TENM4: variants seen among roughly 807,000 people sequenced by gnomAD.
TENM4 encodes the protein teneurin-4.
In TENM4, 82 loss-of-function variants were observed where a neutral mutation model predicts 243.3. The observed-to-expected ratio is 0.34, with a 90% CI of 0.28 to 0.40. The LOEUF is 0.40. TENM4 is among the 10% of genes least tolerant of loss of function. TENM4 has a pLI of 1.00. For missense variants in TENM4, 3,138 were observed against 3,673.3 expected (o/e 0.85, Z 3.77); for synonymous variants, 1,412 against 1,456.3 (o/e 0.97, Z 0.69).
intron 1 of TENM4, among the ~76,000 whole-genome samples, chr11:79,403,744 G>A (rs1858509722): frequency 6.6e-6 from 1 of 152,134 alleles, no homozygotes; most frequent in Admixed American, 6.5e-5. Flanking sequence ...ATCTGAGTCA[G>A]TACCAGAAAT....
At chr11:78,947,047 G>A (rs1262636396) in intron 6 of TENM4, among the ~76,000 whole-genome samples, 1 of 152,170 alleles carries the variant, frequency 6.6e-6, no homozygotes. Flanking sequence ...TGAGAGGACC[G>A]ACTCCAGTTT....
At chr11:78,878,927 A>C (rs1234095444) in intron 9 of TENM4, among the ~76,000 whole-genome samples, 1 of 152,274 alleles carries the variant, frequency 6.6e-6, no homozygotes, top group Non-Finnish European at 1.5e-5. Flanking sequence ...TAGCACAAAT[A>C]TAATGGCTTT....
At position 78,999,498 on chromosome 11, in the gene TENM4, A is replaced by G. The variant is rs1354794532; in HGVS notation, c.493+65240T>C. Among the ~76,000 whole-genome samples, 62 of 152,322 alleles carry G rather than the reference A, an allele frequency of 4.1e-4. 2 individuals are homozygous for G. Among genetic ancestry groups the G allele is most frequent in the Non-Finnish European group, 7.3e-5 (5 of 68,036 alleles). ...ACCACCGCACTTCAGCCTGGGAGAC[A>G]GAGCGGGACTCCATCTCAAAAAACA... On this transcript the variant is annotated intron_variant, in intron 6 of 33. Transcript: ENST00000278550.
chr11:79,378,208 G>A (rs930595840), intron 1 of TENM4, among the ~76,000 whole-genome samples: 1 of 152,218 alleles, frequency 6.6e-6, no homozygotes, highest in Non-Finnish European at 1.5e-5. Flanking sequence ...GAAATCTTGT[G>A]CATGCCTGGA....
intron 4 of TENM4, among the ~76,000 whole-genome samples, chr11:79,141,492 A>G (rs954176863): frequency 3.3e-5 from 5 of 152,124 alleles, no homozygotes; most frequent in Admixed American, 6.6e-5. Context: ...GACTGAAGCC[A>G]TAATAAAAAG....
chr11:79,041,865 T>C (rs1057031602), intron 6 of TENM4, among the ~76,000 whole-genome samples: 1 of 152,224 alleles, frequency 6.6e-6, no homozygotes, highest in Non-Finnish European at 1.5e-5. Flanking sequence ...ACTGAACACC[T>C]GGGTGCCAGC....
intron 6 of TENM4, among the ~76,000 whole-genome samples, chr11:78,906,222 CG>C (rs760920358): frequency 2.6e-5 from 4 of 152,350 alleles, no homozygotes; most frequent in South Asian, 4.1e-4. Context: ...AACAACCCTT[CG>C]GGGGCAGTAT....
chr11:79,305,150 G>C (rs898292124), intron 1 of TENM4, among the ~76,000 whole-genome samples: 1 of 152,232 alleles, frequency 6.6e-6, no homozygotes, highest in African/African-American at 2.4e-5. Context: ...AGAGTGAAAA[G>C]AGCATGGGCC....
intron 1 of TENM4, among the ~76,000 whole-genome samples, chr11:79,359,057 A>G (rs1033411777): frequency 5.9e-5 from 9 of 151,918 alleles, no homozygotes; most frequent in African/African-American, 2.2e-4. Context: ...CTTGAGGCCA[A>G]TAGTTCAAGA....
chr11:78,739,410 C>G (rs1166251921), intron 19 of TENM4, among the ~76,000 whole-genome samples: 1 of 152,096 alleles, frequency 6.6e-6, no homozygotes, highest in Non-Finnish European at 1.5e-5. Flanking sequence ...GAACTAGTTC[C>G]TCTCTCCCAC....
chr11:79,219,360 T>C (rs1330711456), intron 2 of TENM4, among the ~76,000 whole-genome samples: 2 of 152,188 alleles, frequency 1.3e-5, no homozygotes, highest in Admixed American at 6.5e-5. Context: ...CTGAGTGCTG[T>C]TGAGCAGAGC....
At chr11:79,191,731 GC>G (rs1398904982) in intron 3 of TENM4, 51 of 183,832 alleles carry the variant, frequency 2.8e-4, no homozygotes, top group Non-Finnish European at 5.5e-5. Context: ...GAGCGCCTCT[GC>G]CCCGCCGCCC....
At chr11:79,221,731 A>C (rs1165239116) in intron 2 of TENM4, among the ~76,000 whole-genome samples, 1 of 152,188 alleles carries the variant, frequency 6.6e-6, no homozygotes, top group Non-Finnish European at 1.5e-5. Flanking sequence ...TTTTTAATGC[A>C]CACAAGGGGA....
At chr11:79,178,017 A>G (rs937009186) in intron 3 of TENM4, among the ~76,000 whole-genome samples, 9 of 152,172 alleles carry the variant, frequency 5.9e-5, no homozygotes, top group African/African-American at 2.2e-4. Flanking sequence ...ATAACCCAGG[A>G]GAGAGATGGC....
At chr11:79,427,357 A>C (rs1184219674) in intron 1 of TENM4, among the ~76,000 whole-genome samples, 3 of 152,242 alleles carry the variant, frequency 2.0e-5, no homozygotes. Flanking sequence ...TGAGAAATGG[A>C]ATACAACAAT....
chr11:79,237,190 TTA>T (rs1864492223), intron 2 of TENM4, among the ~76,000 whole-genome samples: 1 of 142,978 alleles, frequency 7.0e-6, no homozygotes, highest in African/African-American at 2.6e-5. Flanking sequence ...AGAGATTTTT[TTA>T]TGTCTTTATC....
chr11:79,358,515 G>A (rs185602850), intron 1 of TENM4, among the ~76,000 whole-genome samples: 140 of 152,254 alleles, frequency 9.2e-4, no homozygotes, highest in African/African-American at 2.4e-3. Flanking sequence ...TATGCATAGC[G>A]TGATCACAGA....
chr11:78,777,924 T>A (rs1856769113), intron 17 of TENM4, among the ~76,000 whole-genome samples: 1 of 152,168 alleles, frequency 6.6e-6, no homozygotes, highest in Non-Finnish European at 1.5e-5. Context: ...ACCACCCAAC[T>A]AATGTAAATG....
At chr11:79,269,329 CTG>C (rs1855931004) in intron 2 of TENM4, among the ~76,000 whole-genome samples, 1 of 152,204 alleles carries the variant, frequency 6.6e-6, no homozygotes, top group African/African-American at 2.4e-5. Context: ...AACAAGAGTG[CTG>C]TGTTACTGCT....
Sources: allele counts gnomAD v4.1 joint callset (sites outside exome capture counted in the v4.1 genomes callset), GRCh38; gene constraint gnomAD v4.1.1; transcripts MANE v1.5; gene names NCBI Gene and HGNC (gene_info 2026-07-23, HGNC 2026-07-21).